PPP1R3A: variants seen among roughly 807,000 people sequenced by gnomAD.
The protein encoded by PPP1R3A is protein phosphatase 1 regulatory subunit 3A.
In PPP1R3A, 29 loss-of-function variants were observed where a neutral mutation model predicts 41.7. The ratio of observed to expected loss-of-function variants is 0.70; its 90% CI spans 0.52 to 0.95. The LOEUF (loss-of-function observed/expected upper bound fraction) is 0.95, where lower values mean the gene tolerates loss of function less well. PPP1R3A is among the 40% of genes least tolerant of loss of function. PPP1R3A has a pLI of 0.00. For synonymous variants in PPP1R3A, 485 were observed against 453.4 expected, an observed-to-expected ratio of 1.07 and a Z score of -0.89; for missense variants, 1,352 against 1,292.4, an observed-to-expected ratio of 1.05 and a Z score of -0.71.
chr7:113,918,878 T>G lies in PPP1R3A; in HGVS notation c.119A>C (p.Gln40Pro). 6.2e-7 allele frequency: 1 copy of G among 1,613,730 alleles called. No individual in the cohort carries two copies. Residue 40 changes from glutamine to proline, a missense_variant, in exon 1 of 4, where the codon CAA (glutamine) becomes CCA (proline). Gln to Pro is a moderately conservative substitution (Grantham distance 76, BLOSUM62 -1). Transcript: ENST00000284601. ...EVTFQPGFSP[Q>P]PSRRGSDSSE... is the part of the protein sequence containing the mutation. The stretch of plus-strand genomic sequence containing the variant: ...AGAATCAGAACCTCGTCTACTTGGT[T>G]GAGGGGAGAAACCAGGTTGGAAAGT...
At chr7:113,911,389 C>T (rs1245815622) in intron 1 of PPP1R3A, among the ~76,000 whole-genome samples, 1 of 151,978 alleles carries the variant, frequency 6.6e-6, no homozygotes, top group Non-Finnish European at 1.5e-5. Flanking sequence ...TTGTGGGATA[C>T]ATAGAATGCT....
chr7:113,918,477 C>G lies in PPP1R3A; in HGVS notation c.520G>C (p.Ala174Pro), dbSNP rs755449686. 1.7e-5 allele frequency: 28 copies of G among 1,613,066 alleles called. No individual in the cohort carries two copies. Among genetic ancestry groups the G allele is most frequent in the Non-Finnish European group, 2.2e-5 (26 of 1,179,668 alleles). The change falls in exon 1 of 4, where the codon GCA (alanine) becomes CCA (proline). Residue 174 changes from alanine to proline, a missense_variant. By Grantham distance (27) the Ala-to-Pro change is conservative (BLOSUM62 -1). Coordinates refer to ENST00000284601, the MANE Select transcript of PPP1R3A (RefSeq NM_002711.4). ...TCACATGAATTAGGAACATATTCTG[C>G]TAAAATGTCATAATGTGTCTGCCAG... is the stretch of plus-strand genomic sequence containing the variant. ...DDWQTHYDIL[A>P]EYVPNSCDGE...
At chr7:113,917,984 T>G (rs1584423857) in intron 1 of PPP1R3A, among the ~76,000 whole-genome samples, 1 of 152,158 alleles carries the variant, frequency 6.6e-6, no homozygotes, top group Admixed American at 6.6e-5. Context: ...CACAGTGCAC[T>G]TCTCTCCCAA....
chr7:113,878,623 C>A lies in PPP1R3A; in HGVS notation c.2469G>T (p.Met823Ile). 6.2e-7 allele frequency: 1 copy of A among 1,613,276 alleles called. No homozygotes were observed. The highest frequency in any genetic ancestry group is 8.5e-7 in the Non-Finnish European group (1 of 1,179,566). Residue 823 changes from methionine to isoleucine, a missense_variant, in exon 4 of 4, where the codon ATG becomes ATT. Met to Ile is a conservative substitution (Grantham distance 10, BLOSUM62 1). Coordinates refer to ENST00000284601, the MANE Select transcript of PPP1R3A (RefSeq NM_002711.4). Reference sequence around the variant, plus strand: ...GTGTCTTCCTAGGATTGTACATAGACATGGTTTCTTCCTTCTCCATTTCAT... The same window carrying A: ...GTGTCTTCCTAGGATTGTACATAGAAATGGTTTCTTCCTTCTCCATTTCAT... ...RVDEMEKEET[M>I]SMYNPRKTHD...
intron 1 of PPP1R3A, among the ~76,000 whole-genome samples, chr7:113,883,266 C>A (rs1206832342): frequency 6.6e-6 from 1 of 151,894 alleles, no homozygotes; most frequent in South Asian, 2.1e-4. Flanking sequence ...TGCCTATTCT[C>A]AAGGACTTTT....
intron 1 of PPP1R3A, among the ~76,000 whole-genome samples, chr7:113,888,644 C>T (rs1027584918): frequency 2.0e-5 from 3 of 152,148 alleles, no homozygotes; most frequent in African/African-American, 7.2e-5. Context: ...TGACTTGCTT[C>T]CCAGGAGTTT....
At chr7:113,891,642 A>G (rs182599258) in intron 1 of PPP1R3A, among the ~76,000 whole-genome samples, 1 of 152,072 alleles carries the variant, frequency 6.6e-6, no homozygotes. Context: ...TCATTACCCA[A>G]TTGATTTATT....
rs375602992 is a variant in PPP1R3A at position 113,877,252 on chromosome 7, A to G, written c.*471T>C. On this transcript the variant is annotated 3_prime_UTR_variant, in exon 4 of 4. Transcript: ENST00000284601. ...ATATTTGATCAATGAATCCTGATAA[A>G]TGATAAATTGAACAAATTTCATGTT... The G allele has an allele frequency of 1.1e-5, 1 of 93,440 alleles. No homozygotes were observed. Among genetic ancestry groups the G allele is most frequent in the South Asian group, 4.5e-4 (1 of 2,244 alleles). The allele number at this position is 93,440 out of a possible 1,614,324, so 5.8% of individuals were successfully genotyped here. A position where few individuals can be genotyped will look rare whatever the true frequency, so the allele number is the denominator to read the frequency against.
intron 1 of PPP1R3A, among the ~76,000 whole-genome samples, chr7:113,889,303 C>G (rs1796838917): frequency 6.6e-6 from 1 of 152,050 alleles, no homozygotes; most frequent in Non-Finnish European, 1.5e-5. Context: ...GCATGCTTTG[C>G]TACTATTTAC....
intron 1 of PPP1R3A, among the ~76,000 whole-genome samples, chr7:113,908,340 G>A (rs528310024): frequency 6.0e-5 from 9 of 151,252 alleles, no homozygotes; most frequent in East Asian, 1.9e-4. Context: ...GTGCACACAC[G>A]TGTGTGTGTG....
chr7:113,910,928 T>G lies in PPP1R3A; in HGVS notation c.782+7287A>C, dbSNP rs77672629. ...TCAATGGGGAGGGTACTTGAATCCTTTTTACTACTGCAAATTTCAAAAGGT... is the reference window on the plus strand; with the variant it reads ...TCAATGGGGAGGGTACTTGAATCCTGTTTACTACTGCAAATTTCAAAAGGT... On this transcript the variant is annotated intron_variant, in intron 1 of 3. Transcript: ENST00000284601. Among the ~76,000 whole-genome samples the G allele has an allele frequency of 4.3e-3, 657 of 152,200 alleles. 3 individuals carry two copies. Among genetic ancestry groups the G allele is most frequent in the African/African-American group, 0.014 (593 of 41,570 alleles).
intron 1 of PPP1R3A, among the ~76,000 whole-genome samples, chr7:113,909,658 C>T (rs111461920): frequency 0.011 from 1,635 of 152,070 alleles, 31 homozygotes; most frequent in African/African-American, 0.038. Context: ...TTCTAGTTAA[C>T]TAATTCAGAC....
chr7:113,878,352 A>G lies in PPP1R3A; in HGVS notation c.2740T>C (p.Ser914Pro). The change falls in exon 4 of 4, where the codon TCT becomes CCT. Residue 914 changes from serine (S) to proline (P), a missense_variant. Physicochemically the swap from Ser to Pro is moderately conservative, Grantham distance 74. Transcript: ENST00000284601. ...SDTNRAPQNS[S>P]PFSKHHTEIS... ...TCAGTATGATGTTTGGAAAAAGGAG[A>G]GCTATTCTGAGGAGCTCTATTAGTG... is the stretch of plus-strand genomic sequence containing the variant. 2 of 1,612,768 alleles carry G rather than the reference A, an allele frequency of 1.2e-6. No individual in the cohort carries two copies. Among genetic ancestry groups the G allele is most frequent in the Non-Finnish European group, 1.7e-6 (2 of 1,179,676 alleles).
chr7:113,881,729 C>T (rs1375625653), intron 3 of PPP1R3A, among the ~76,000 whole-genome samples: 1 of 151,970 alleles, frequency 6.6e-6, no homozygotes, highest in East Asian at 1.9e-4. Context: ...TAAGTATACA[C>T]TTGTCACAAA....
At chr7:113,896,444 G>A (rs538750532) in intron 1 of PPP1R3A, among the ~76,000 whole-genome samples, 52 of 151,682 alleles carry the variant, frequency 3.4e-4, no homozygotes, top group Non-Finnish European at 6.3e-4. Context: ...TGCTTGCACC[G>A]TTTTGACTAA....
At chr7:113,906,079 C>CA (rs1797140640) in intron 1 of PPP1R3A, among the ~76,000 whole-genome samples, 2 of 151,668 alleles carry the variant, frequency 1.3e-5, no homozygotes. Flanking sequence ...AGGTGTTGAA[C>CA]AATTAGAGTA....
chr7:113,902,362 T>C (rs1426717777), intron 1 of PPP1R3A, among the ~76,000 whole-genome samples: 2 of 151,858 alleles, frequency 1.3e-5, no homozygotes, highest in African/African-American at 2.4e-5. Flanking sequence ...ATACTGTTTA[T>C]AGCCTGAAGA....
At chr7:113,903,561 A>G (rs1303252685) in intron 1 of PPP1R3A, among the ~76,000 whole-genome samples, 1 of 151,788 alleles carries the variant, frequency 6.6e-6, no homozygotes, top group African/African-American at 2.4e-5. Flanking sequence ...CATTCGTATA[A>G]CATCATCAAT....
intron 1 of PPP1R3A, among the ~76,000 whole-genome samples, chr7:113,895,407 A>G (rs1796960969): frequency 6.6e-6 from 1 of 152,022 alleles, no homozygotes; most frequent in Non-Finnish European, 1.5e-5. Context: ...GCAAGTTAGA[A>G]TGTTAAAAGT....
Sources: gnomAD v4.1 joint callset for allele counts (sites outside exome capture counted in the v4.1 genomes callset) on GRCh38, gnomAD v4.1.1 for gene constraint, MANE v1.5 for transcripts, NCBI Gene and HGNC (gene_info 2026-07-23, HGNC 2026-07-21) for gene names.